Variants in STK33 observed in about 807,000 individuals in gnomAD.
The protein encoded by STK33 is serine/threonine-protein kinase 33.
STK33 carries 52 observed loss-of-function variants against 58.0 expected under a neutral mutation model. That is an observed-to-expected ratio of 0.90 (90% confidence interval 0.72 to 1.13). The LOEUF is 1.13. STK33 is among the 50% of genes most tolerant of loss of function. The pLI, the probability that STK33 is intolerant of heterozygous loss-of-function variation, is 0.00. For missense variants in STK33, 630 were observed against 604.2 expected (o/e 1.04, Z -0.45); for synonymous variants, 215 against 200.1 (o/e 1.07, Z -0.63).
At chr11:8,348,254 C>A in the STK33 span, among the ~76,000 whole-genome samples, 1 of 152,198 alleles carries the variant, frequency 6.6e-6, no homozygotes, top group Non-Finnish European at 1.5e-5. Flanking sequence ...CTAATAAAGA[C>A]ATACCTGAGA....
At chr11:8,411,600 A>G (rs1178044772) in intron 15 of STK33, among the ~76,000 whole-genome samples, 1 of 152,204 alleles carries the variant, frequency 6.6e-6, no homozygotes, top group Non-Finnish European at 1.5e-5. Flanking sequence ...TCCTTAGAGG[A>G]CATCAAGGGA....
intron 9 of STK33, among the ~76,000 whole-genome samples, chr11:8,455,452 A>G (rs947821687): frequency 9.2e-5 from 14 of 152,202 alleles, no homozygotes; most frequent in Non-Finnish European, 1.6e-4. Context: ...CCATGTACCA[A>G]ACACTTCCTT....
At chr11:8,523,921 G>A (rs7950041) in intron 1 of STK33, among the ~76,000 whole-genome samples, 30,437 of 152,198 alleles carry the variant, frequency 0.2, 3,331 homozygotes, top group East Asian at 0.3. Flanking sequence ...TTGTTACTGT[G>A]TCTGTGTGGA....
chr11:8,420,808 G>A (rs1480922541), intron 14 of STK33, among the ~76,000 whole-genome samples: 1 of 152,082 alleles, frequency 6.6e-6, no homozygotes, highest in East Asian at 1.9e-4. Context: ...ACCAGCCTGG[G>A]CAACATAGGG....
At chr11:8,426,542 C>T (rs1367520741) in intron 14 of STK33, among the ~76,000 whole-genome samples, 3 of 152,226 alleles carry the variant, frequency 2.0e-5, no homozygotes, top group African/African-American at 7.2e-5. Context: ...CCTACCTTGG[C>T]CTCCCAAAGT....
At chr11:8,502,528 T>C (rs1015507227) in intron 1 of STK33, among the ~76,000 whole-genome samples, 17 of 152,178 alleles carry the variant, frequency 1.1e-4, no homozygotes, top group Middle Eastern at 3.4e-3. Context: ...CATAAAAGCT[T>C]TGGAAGATCA....
chr11:8,577,122 G>A (rs1392076129), intron 1 of STK33, among the ~76,000 whole-genome samples: 1 of 151,874 alleles, frequency 6.6e-6, no homozygotes, highest in Non-Finnish European at 1.5e-5. Flanking sequence ...GTTAGCAGAG[G>A]GTACTATGGT....
downstream of STK33, among the ~76,000 whole-genome samples, chr11:8,390,393 T>A (rs1848603954): frequency 6.6e-6 from 1 of 152,168 alleles, no homozygotes; most frequent in Admixed American, 6.5e-5. Context: ...CTATCAGTCA[T>A]TGAAAGTCAA....
intron 11 of STK33, among the ~76,000 whole-genome samples, chr11:8,451,761 C>T (rs147966117): frequency 1.9e-4 from 29 of 152,206 alleles, no homozygotes; most frequent in African/African-American, 2.6e-4. Context: ...GTAAAGGATG[C>T]ACAAATATCT....
At chr11:8,367,011 AAAG>A in the STK33 span, among the ~76,000 whole-genome samples, 8 of 152,248 alleles carry the variant, frequency 5.3e-5, no homozygotes, top group Admixed American at 1.3e-4. Flanking sequence ...TCTTGTGTAA[AAAG>A]AATACATCCA....
At chr11:8,405,939 G>A (rs547383312) in intron 15 of STK33, among the ~76,000 whole-genome samples, 4 of 152,066 alleles carry the variant, frequency 2.6e-5, no homozygotes, top group South Asian at 4.2e-4. Flanking sequence ...TCAGGAGATC[G>A]AGACCATCCT....
chr11:8,509,852 T>C (rs898355630), intron 1 of STK33, among the ~76,000 whole-genome samples: 1 of 152,246 alleles, frequency 6.6e-6, no homozygotes, highest in Non-Finnish European at 1.5e-5. Context: ...TTCCACTTTA[T>C]GGCTGAATAG....
intron 14 of STK33, among the ~76,000 whole-genome samples, chr11:8,427,624 T>C (rs1194832293): frequency 6.6e-6 from 1 of 152,130 alleles, no homozygotes; most frequent in African/African-American, 2.4e-5. Context: ...ATATCTTTTC[T>C]TTTATATTTT....
rs141032317 is a variant in STK33, at chr11:8,497,803, C to A, written c.-465-17189G>T. ...TGAAAGGAAAAAACAAATAACCTAT[C>A]AACCAAGAATTCTAAATCCAGCAAA... On this transcript the variant is annotated intron_variant, in intron 1 of 15. Coordinates refer to ENST00000687296, the MANE Select transcript of STK33 (RefSeq NM_001352389.2). Among the ~76,000 whole-genome samples, 16 of 152,306 alleles carry A rather than the reference C, an allele frequency of 1.1e-4. No homozygotes were observed. In the East Asian group the frequency reaches 3.1e-3, roughly 29 times the overall value.
At chr11:8,383,834 C>T in the STK33 span, among the ~76,000 whole-genome samples, 14 of 152,314 alleles carry the variant, frequency 9.2e-5, no homozygotes, top group South Asian at 1.0e-3. Flanking sequence ...ACCAGGTCTC[C>T]CTGGATTCTG....
chr11:8,551,818 CA>C (rs1300480820), intron 1 of STK33, among the ~76,000 whole-genome samples: 3 of 152,166 alleles, frequency 2.0e-5, no homozygotes, highest in Admixed American at 6.6e-5. Context: ...ATTTCTAGGT[CA>C]GGGGAAGGCT....
the STK33 span, among the ~76,000 whole-genome samples, chr11:8,337,635 C>T: frequency 1.6e-4 from 6 of 38,108 alleles, no homozygotes; most frequent in East Asian, 1.4e-3. Context: ...AGCTTGACGA[C>T]GGCGGGGGGC....
intron 15 of STK33, among the ~76,000 whole-genome samples, chr11:8,396,725 G>A (rs990757552): frequency 2.1e-4 from 32 of 152,224 alleles, no homozygotes; most frequent in Admixed American, 5.2e-4. Context: ...AAAGAAAGGG[G>A]TGACAGATGG....
chr11:8,399,603 G>C (rs1228441959), intron 15 of STK33, among the ~76,000 whole-genome samples: 1 of 152,058 alleles, frequency 6.6e-6, no homozygotes, highest in East Asian at 1.9e-4. Context: ...CAGAAGGCAA[G>C]AAATAACTAA....
Sources: allele counts gnomAD v4.1 joint callset (sites outside exome capture counted in the v4.1 genomes callset), GRCh38; gene constraint gnomAD v4.1.1; transcripts MANE v1.5; gene names NCBI Gene and HGNC (gene_info 2026-07-23, HGNC 2026-07-21).